Variants in BBS9 observed in about 807,000 individuals in gnomAD.
BBS9 encodes Bardet-Biedl syndrome 9.
Under a neutral mutation model 117.7 loss-of-function variants are expected in BBS9, and 89 were observed. The ratio of observed to expected loss-of-function variants is 0.76; its 90% confidence interval spans 0.64 to 0.90. The LOEUF (loss-of-function observed/expected upper bound fraction) is 0.90, where lower values mean the gene tolerates loss of function less well. Ranked by LOEUF, BBS9 falls within the 40% of genes least tolerant of loss-of-function variation. BBS9 has a pLI of 0.00. For missense variants in BBS9, 982 were observed against 1,042.2 expected, an observed-to-expected ratio of 0.94 and a Z score of 0.80; for synonymous variants, 379 against 370.9, an observed-to-expected ratio of 1.02 and a Z score of -0.25.
At chr7:33,355,314 A>G (rs1393245353) in intron 15 of BBS9, among the ~76,000 whole-genome samples, 3 of 152,020 alleles carry the variant, frequency 2.0e-5, no homozygotes. Context: ...TGTAAATCCC[A>G]GTAGAAATGT....
chr7:33,351,743 G>A (rs1056053606), intron 14 of BBS9, among the ~76,000 whole-genome samples: 1 of 152,084 alleles, frequency 6.6e-6, no homozygotes, highest in African/African-American at 2.4e-5. Flanking sequence ...TTTTTAAAGC[G>A]GGTTTCCACC....
chr7:33,608,102 G>A (rs894753596), downstream of BBS9, among the ~76,000 whole-genome samples: 1 of 151,936 alleles, frequency 6.6e-6, no homozygotes, highest in African/African-American at 2.4e-5. Flanking sequence ...AAGTCCATGA[G>A]TACCCATTGT....
intron 21 of BBS9, among the ~76,000 whole-genome samples, chr7:33,566,719 A>ATAC (rs1162940585): frequency 6.6e-6 from 1 of 150,472 alleles, no homozygotes; most frequent in African/African-American, 2.4e-5. Context: ...TATACAGTGC[A>ATAC]TTTTTGCCAA....
chr7:33,492,224 A>AAAAAAAAAAAAAAAAAAG (rs1245562153), intron 19 of BBS9, among the ~76,000 whole-genome samples: 1 of 148,966 alleles, frequency 6.7e-6, no homozygotes, highest in Non-Finnish European at 1.5e-5. Flanking sequence ...CAAAAAAAAA[A>AAAAAAAAAAAAAAAAAAG]CAAAAAAAAA....
At chr7:33,542,834 C>T (rs1852609744) in intron 21 of BBS9, among the ~76,000 whole-genome samples, 1 of 127,416 alleles carries the variant, frequency 7.8e-6, no homozygotes, top group Admixed American at 8.4e-5. Context: ...CACACACACA[C>T]ACACAGTTTC....
At chr7:33,337,756 T>C (rs888511860) in intron 10 of BBS9, among the ~76,000 whole-genome samples, 1 of 152,074 alleles carries the variant, frequency 6.6e-6, no homozygotes, top group African/African-American at 2.4e-5. Context: ...TTTTTGTTAC[T>C]AGCATTTTTG....
intron 19 of BBS9, among the ~76,000 whole-genome samples, chr7:33,442,235 A>G (rs1290861630): frequency 6.6e-6 from 1 of 152,086 alleles, no homozygotes; most frequent in Non-Finnish European, 1.5e-5. Flanking sequence ...AGTCAGTTTG[A>G]CAGTTGAATC....
At chr7:33,616,493 G>GTA (rs66529823) in intron 21 of BBS9, among the ~76,000 whole-genome samples, 10,308 of 136,228 alleles carry the variant, frequency 0.076, 379 homozygotes, top group Non-Finnish European at 0.081. Context: ...GTGTGTGTGT[G>GTA]TATATATATA....
At chr7:33,276,500 T>C (rs1584038336) in intron 9 of BBS9, among the ~76,000 whole-genome samples, 1 of 152,180 alleles carries the variant, frequency 6.6e-6, no homozygotes, top group South Asian at 2.1e-4. Context: ...GTTTAGGTTA[T>C]TAACCACAAA....
intron 9 of BBS9, among the ~76,000 whole-genome samples, chr7:33,288,656 ATAGT>A (rs547966325): frequency 7.2e-5 from 11 of 152,276 alleles, no homozygotes; most frequent in East Asian, 1.9e-4. Context: ...ATATTTGTTG[ATAGT>A]TAGCATGAAG....
chr7:33,261,276 C>T lies in BBS9; in HGVS notation c.618-3014C>T, dbSNP rs74331566. 1.5e-3 allele frequency among the ~76,000 whole-genome samples: 233 copies of T among 152,242 alleles called. 1 individual carries two copies. Among genetic ancestry groups the T allele is most frequent in the African/African-American group, 5.3e-3 (222 of 41,550 alleles). ...TACTTATGCTTTCACTGATAGTAAA[C>T]ATTTGTTTTTCTCCTTGACTAAGCT... On this transcript the variant is annotated intron_variant, in intron 6 of 22. Coordinates refer to ENST00000242067, the MANE Select transcript of BBS9 (RefSeq NM_198428.3).
chr7:33,425,570 CA>C (rs1417068414), intron 19 of BBS9, among the ~76,000 whole-genome samples: 3 of 152,100 alleles, frequency 2.0e-5, no homozygotes, highest in Non-Finnish European at 4.4e-5. Flanking sequence ...TTCTCATAAA[CA>C]GGCACATTTT....
intron 13 of BBS9, 99 bp from the exon 14 acceptor site, chr7:33,351,120 C>A: frequency 1.3e-6 from 1 of 744,920 alleles, no homozygotes; most frequent in Non-Finnish European, 2.4e-6. Context: ...GTGCTTATGA[C>A]AGTACCTGGC....
chr7:33,472,755 A>G (rs886065297), intron 19 of BBS9, among the ~76,000 whole-genome samples: 5 of 152,338 alleles, frequency 3.3e-5, no homozygotes, highest in African/African-American at 1.2e-4. Context: ...ATCCTAACAT[A>G]CGGTAGCATT....
intron 19 of BBS9, among the ~76,000 whole-genome samples, chr7:33,411,735 T>C (rs906898346): frequency 6.6e-6 from 1 of 152,118 alleles, no homozygotes; most frequent in Non-Finnish European, 1.5e-5. Context: ...CCTCTTAGAA[T>C]GAATATTATT....
chr7:33,541,759 C>T (rs118128708), intron 21 of BBS9, among the ~76,000 whole-genome samples: 2,488 of 152,124 alleles, frequency 0.016, 29 homozygotes, highest in Non-Finnish European at 0.026. Context: ...AAATTCAAGG[C>T]GACAGAAAGT....
chr7:33,605,211 A>G lies in BBS9; in HGVS notation c.2649A>G (p.Gln883=). The G allele has an allele frequency of 1.9e-6, 3 of 1,612,688 alleles. No individual in the cohort carries two copies. The highest frequency in any genetic ancestry group is 2.5e-6 in the Non-Finnish European group (3 of 1,178,852). The change falls in exon 23 of 23, where the codon CAA becomes CAG. Residue 883 remains glutamine, a synonymous_variant. Transcript: ENST00000242067. ...ETPRPEVSPL[Q]GVSE ...TTTTTCCAGAAGTTTCACCCCTCCA[A>G]GGAGTCTCGGAATAATTCAAGTAGA... is the stretch of plus-strand genomic sequence containing the variant.
chr7:33,455,230 G>A (rs934367535), intron 19 of BBS9, among the ~76,000 whole-genome samples: 5 of 101,248 alleles, frequency 4.9e-5, no homozygotes, highest in Admixed American at 4.2e-4. Context: ...GTAAAATATG[G>A]ACGTGATGGT....
intron 21 of BBS9, among the ~76,000 whole-genome samples, chr7:33,537,249 A>G (rs1851588814): frequency 6.6e-6 from 1 of 152,120 alleles, no homozygotes; most frequent in Non-Finnish European, 1.5e-5. Flanking sequence ...TAGCCTCATG[A>G]CTTTATGAGC....
Sources: gnomAD v4.1 joint callset for allele counts (sites outside exome capture counted in the v4.1 genomes callset) on GRCh38, gnomAD v4.1.1 for gene constraint, MANE v1.5 for transcripts, NCBI Gene and HGNC (gene_info 2026-07-23, HGNC 2026-07-21) for gene names.